VPS13C: variants seen among roughly 807,000 people sequenced by gnomAD.
VPS13C encodes intermembrane lipid transfer protein VPS13C.
A neutral mutation model predicts 456.8 loss-of-function variants in VPS13C; 358 were observed. That is an observed-to-expected ratio of 0.78 (90% CI 0.72 to 0.86). The LOEUF is 0.86. VPS13C is among the 40% of genes least tolerant of loss of function. VPS13C has a pLI of 0.00. For synonymous variants in VPS13C, 1,578 were observed against 1,486.7 expected (o/e 1.06, Z -1.41); for missense variants, 4,818 against 4,385.4 (o/e 1.10, Z -2.79).
intron 49 of VPS13C, among the ~76,000 whole-genome samples, chr15:61,933,157 A>G (rs183909314): frequency 6.6e-6 from 1 of 152,330 alleles, no homozygotes; most frequent in East Asian, 1.9e-4. Context: ...CAGCATCTCA[A>G]TGAATAAGGA....
At chr15:61,963,715 C>T (rs900169795) in intron 32 of VPS13C, 120 bp downstream of exon 32, 12 of 702,412 alleles carry the variant, frequency 1.7e-5, no homozygotes, top group East Asian at 5.2e-5. Context: ...AATCCAATTA[C>T]GTCTTTTCAG....
In VPS13C at chr15:62,013,043, A is replaced by C. The variant is rs374135622; in HGVS notation, c.821T>G (p.Ile274Ser). Residue 274 changes from isoleucine to serine, a missense_variant, in exon 11 of 85, where the codon ATT becomes AGT. Physicochemically the swap from Ile to Ser is moderately radical, Grantham distance 142. Transcript: ENST00000644861. ...SMSYQRSREQ[I>S]LDQLKNEILT... ...CCAAGTATACATTAATATTACCAAAATCTGTTCCCTTGATCTCTGGTAAGA... is the reference window on the plus strand; with the variant it reads ...CCAAGTATACATTAATATTACCAAACTCTGTTCCCTTGATCTCTGGTAAGA... 6.6e-5 allele frequency: 106 copies of C among 1,608,690 alleles called. 1 individual carries two copies. Among genetic ancestry groups the C allele is most frequent in the Middle Eastern group, 1.6e-4 (1 of 6,064 alleles).
chr15:62,037,518 T>TATAATAAATTTATTATATTGTAAGAAG (rs2048103955), intron 3 of VPS13C, among the ~76,000 whole-genome samples: 1 of 131,582 alleles, frequency 7.6e-6, no homozygotes, highest in African/African-American at 3.4e-5. Context: ...ATTGTAAGAA[T>TATAATAAATTTATTATATTGTAAGAAG]ATAATAAATA....
chr15:61,996,471 C>T (rs968403464), intron 16 of VPS13C, among the ~76,000 whole-genome samples: 36 of 151,840 alleles, frequency 2.4e-4, no homozygotes, highest in African/African-American at 7.3e-4. Context: ...ACTTGACATA[C>T]GAAAACAAAT....
At chr15:61,991,520 T>C (rs763921718) in intron 17 of VPS13C, among the ~76,000 whole-genome samples, 153 bp downstream of exon 17, 2 of 152,218 alleles carry the variant, frequency 1.3e-5, no homozygotes, top group Non-Finnish European at 2.9e-5. Flanking sequence ...TAAACAGGAA[T>C]ATTCCAGCCT....
At chr15:61,946,489 CT>C in intron 43 of VPS13C, 79 bp from the exon 44 acceptor site, 1 of 993,146 alleles carries the variant, frequency 1.0e-6, no homozygotes. Flanking sequence ...CAATAATATA[CT>C]GACAAGATAT....
chr15:61,898,570 G>A (rs1476663300), intron 66 of VPS13C, among the ~76,000 whole-genome samples: 7 of 150,954 alleles, frequency 4.6e-5, no homozygotes, highest in Non-Finnish European at 1.0e-4. Flanking sequence ...AAATATATAT[G>A]CACCCAACAC....
chr15:61,947,299 G>T lies in VPS13C; in HGVS notation c.4770C>A (p.Asn1590Lys). 1 of 1,606,956 alleles carries T rather than the reference G, an allele frequency of 6.2e-7. No homozygotes were observed. The highest frequency in any genetic ancestry group is 8.5e-7 in the Non-Finnish European group (1 of 1,177,112). The change falls in exon 43 of 85, where the codon AAC becomes AAA. Residue 1590 changes from asparagine to lysine, a missense_variant. Asn to Lys is a moderately conservative substitution (Grantham distance 94). This residue lies in a region of VPS13C where 4,552 missense variants were observed against 4,130.6 expected (regional missense o/e 1.10). Transcript: ENST00000644861. ...AATCAAACACATCCTTTTGGGAAAT[G>T]TTGCTGGATACTAAAAAATAATAGA... ...RSIAVKAVSS[N>K]ISQKDVFDLK...
chr15:62,007,362 G>T lies in VPS13C; in HGVS notation c.1236C>A (p.Tyr412Ter), dbSNP rs373964445. ...RQLLKSYKIA[Y>*]KNKLTQSKVS... The stretch of plus-strand genomic sequence containing the variant: ...CTTTAGACTGTGTTAACTTGTTTTT[G>T]TAGGCAATTTTATAACTCTTGAGTA... The change falls in exon 15 of 85, where the codon TAC becomes TAA. Residue 412 changes from tyrosine (Y) to a stop codon, truncating the protein, a stop_gained. Transcript: ENST00000644861. LOFTEE classifies it high-confidence loss of function. The T allele has an allele frequency of 6.2e-6, 10 of 1,612,484 alleles. No homozygotes were observed. The highest frequency in any genetic ancestry group is 7.6e-6 in the Non-Finnish European group (9 of 1,179,360).
intron 53 of VPS13C, 30 bp downstream of exon 53, chr15:61,925,426 T>C (rs1256390066): frequency 2.9e-6 from 4 of 1,360,326 alleles, no homozygotes; most frequent in Non-Finnish European, 4.0e-6. Flanking sequence ...AAATAAGAAT[T>C]TTCACTCAAA....
intron 45 of VPS13C, among the ~76,000 whole-genome samples, chr15:61,944,073 T>A (rs2044523401): frequency 6.6e-6 from 1 of 151,892 alleles, no homozygotes; most frequent in South Asian, 2.1e-4. Flanking sequence ...GAAATGCAAA[T>A]CAAAACCATA....
intron 82 of VPS13C, among the ~76,000 whole-genome samples, chr15:61,861,983 C>T (rs1007258158): frequency 2.0e-5 from 3 of 152,104 alleles, no homozygotes; most frequent in Non-Finnish European, 4.4e-5. Context: ...GCCTGCAATC[C>T]CAGCTACTGG....
chr15:61,872,190 T>G (rs188426217), intron 78 of VPS13C, among the ~76,000 whole-genome samples, 156 bp from the exon 79 acceptor site: 21 of 152,250 alleles, frequency 1.4e-4, no homozygotes, highest in Non-Finnish European at 1.6e-4. Flanking sequence ...CACATATAAG[T>G]TAGCACTATG....
chr15:61,866,750 T>C (rs1329090367), intron 81 of VPS13C: 1 of 985,022 alleles, frequency 1.0e-6, no homozygotes, highest in Non-Finnish European at 1.2e-6. Context: ...ACGCTGGTTT[T>C]TGGATGTCAG....
At chr15:62,019,880 C>T (rs1436037099) in intron 9 of VPS13C, among the ~76,000 whole-genome samples, 2 of 151,380 alleles carry the variant, frequency 1.3e-5, no homozygotes, top group African/African-American at 4.9e-5. Flanking sequence ...ACATCTTCCT[C>T]TCCATACATG....
At chr15:61,918,113 T>G (rs779052135) in intron 59 of VPS13C, 23 bp downstream of exon 59, 15 of 1,559,534 alleles carry the variant, frequency 9.6e-6, no homozygotes, top group Non-Finnish European at 1.3e-5. Context: ...ATTTAAAGTT[T>G]AATACATTTA....
rs2043570769 is a variant in VPS13C at position 61,919,288 on chromosome 15, C to G, written c.7638+1G>C. 1 of 1,587,196 alleles carries G rather than the reference C, an allele frequency of 6.3e-7. No homozygotes were observed. Among genetic ancestry groups the G allele is most frequent in the African/African-American group, 1.4e-5 (1 of 73,038 alleles). ...GGATACAATTAACTTTGAAGTATTA[C>G]CTGTAGAGGAGAGCGAAGGGTAATT... On this transcript the variant is annotated splice_donor_variant, in intron 58 of 84. Transcript: ENST00000644861. LOFTEE classifies it high-confidence loss of function.
chr15:62,057,728 T>C (rs2140819689), intron 1 of VPS13C, among the ~76,000 whole-genome samples: 1 of 152,326 alleles, frequency 6.6e-6, no homozygotes, highest in East Asian at 1.9e-4. Flanking sequence ...GAAAGTCTCC[T>C]TTTCTAGATT....
At chr15:62,060,142 T>TCTAG in intron 1 of VPS13C, 133 bp downstream of exon 1, 1 of 453,858 alleles carries the variant, frequency 2.2e-6, no homozygotes. Context: ...GGCTCCCGCA[T>TCTAG]CTAGCACCTG....
Sources: gnomAD v4.1 joint callset for allele counts (sites outside exome capture counted in the v4.1 genomes callset) on GRCh38, gnomAD v4.1.1 for gene constraint, gnomAD v4.1.1 regional missense constraint, MANE v1.5 for transcripts, NCBI Gene and HGNC (gene_info 2026-07-23, HGNC 2026-07-21) for gene names.